The following PIEZO2 variants were observed in gnomAD, a reference collection of about 807,000 sequenced individuals.
PIEZO2 encodes piezo-type mechanosensitive ion channel component 2.
In PIEZO2, 172 loss-of-function variants were observed where a neutral mutation model predicts 337.3. That is an observed-to-expected ratio of 0.51 (90% CI 0.45 to 0.58). The LOEUF (loss-of-function observed/expected upper bound fraction) is 0.58, where lower values mean the gene tolerates loss of function less well. Among genes scored for constraint, PIEZO2 ranks in the 20% least tolerant of loss-of-function variants. The pLI is 0.00. For synonymous variants in PIEZO2, 1,251 were observed against 1,228.5 expected (o/e 1.02, Z -0.38); for missense variants, 3,028 against 3,391.3 (o/e 0.89, Z 2.66).
rs1196322036 is a variant in PIEZO2 at position 10,952,757 on chromosome 18, G to A, written c.286+26778C>T. Among the ~76,000 whole-genome samples, 1 of 152,090 alleles carries A rather than the reference G, an allele frequency of 6.6e-6. No individual in the cohort carries two copies. The highest frequency in any genetic ancestry group is 1.5e-5 in the Non-Finnish European group (1 of 68,020). On this transcript the variant is annotated intron_variant, in intron 3 of 55. Coordinates refer to ENST00000674853, the MANE Select transcript of PIEZO2 (RefSeq NM_001378183.1). The surrounding 1 kb of genome is among the most constrained non-coding windows in gnomAD (Gnocchi z 4.1). Reference sequence around the variant, plus strand: ...TATATGGTCAAATTTATAATATGTTGGAAGATTATTTTTCAAAGTGTCTAT... The same window carrying A: ...TATATGGTCAAATTTATAATATGTTAGAAGATTATTTTTCAAAGTGTCTAT...
At chr18:10,735,548 A>G (rs1187460787) in intron 34 of PIEZO2, among the ~76,000 whole-genome samples, 3 of 152,312 alleles carry the variant, frequency 2.0e-5, no homozygotes, top group South Asian at 4.1e-4. Flanking sequence ...GAAGATGTTC[A>G]TGTTCTCTCC....
In PIEZO2 at chr18:10,759,498, G is replaced by T; in HGVS notation, c.3741C>A (p.Asn1247Lys). The T allele has an allele frequency of 2.6e-6, 4 of 1,536,958 alleles. No individual in the cohort carries two copies. The highest frequency in any genetic ancestry group is 1.7e-4 in the Middle Eastern group (1 of 5,862). ...AACACTTACAGACGAGAAACACAGG[G>T]TTGGGCCGCACAATGAAATCTGGGA... ...LYFPDFIVRP[N>K]PVFLVYDFML... The change falls in exon 26 of 56, where the codon AAC (asparagine) becomes AAA (lysine). Residue 1247 changes from asparagine to lysine, a missense_variant. Physicochemically the swap from Asn to Lys is moderately conservative, Grantham distance 94 (BLOSUM62 0). This residue lies in a region of PIEZO2 where 1,925 missense variants were observed against 2,051.9 expected (regional missense o/e 0.94). Coordinates refer to ENST00000674853, the MANE Select transcript of PIEZO2 (RefSeq NM_001378183.1). The surrounding 1 kb of genome is among the most constrained non-coding windows in gnomAD (Gnocchi z 5.5).
At position 11,005,785 on chromosome 18, in the gene PIEZO2, A is replaced by G. The variant is rs527244852; in HGVS notation, c.161-26125T>C. Among the ~76,000 whole-genome samples, 44 of 152,222 alleles carry G rather than the reference A, an allele frequency of 2.9e-4. No individual in the cohort carries two copies. The East Asian group carries it at 8.3e-3, about 29-fold the overall frequency. On this transcript the variant is annotated intron_variant, in intron 2 of 55. Transcript: ENST00000674853. ...CTGTGTTTATTCTCCTTAACCCTGAACTGTGCTTTCATGCCCTGGAAGCCA... is the reference window on the plus strand; with the variant it reads ...CTGTGTTTATTCTCCTTAACCCTGAGCTGTGCTTTCATGCCCTGGAAGCCA...
At chr18:10,699,353 C>T (rs1167606752) in intron 43 of PIEZO2, among the ~76,000 whole-genome samples, 176 bp from the exon 44 acceptor site, 4 of 152,142 alleles carry the variant, frequency 2.6e-5, no homozygotes, top group Non-Finnish European at 5.9e-5. Flanking sequence ...GGGAGAGACC[C>T]GGTGGGACGT....
chr18:10,871,897 T>C (rs2144791432), intron 4 of PIEZO2, among the ~76,000 whole-genome samples: 1 of 152,324 alleles, frequency 6.6e-6, no homozygotes, highest in Admixed American at 6.5e-5. Flanking sequence ...TCTTCTGTAT[T>C]GTTCCAAGAA....
intron 1 of PIEZO2, among the ~76,000 whole-genome samples, chr18:11,117,361 C>T (rs570075115): frequency 1.3e-5 from 2 of 152,254 alleles, no homozygotes; most frequent in African/African-American, 4.8e-5. Flanking sequence ...ATAACCAGCA[C>T]CAGGGATGTA....
Position 10,784,124 on chromosome 18 carries a change from G to A in PIEZO2, c.2492+660C>T, listed in dbSNP as rs910384945. ...CTAAAAGAATGCTTGTGATCTCCCCGTGATGGAACACAGTGAAGGATTTGT... is the reference window on the plus strand; with the variant it reads ...CTAAAAGAATGCTTGTGATCTCCCCATGATGGAACACAGTGAAGGATTTGT... On this transcript the variant is annotated intron_variant, in intron 17 of 55. Coordinates refer to ENST00000674853, the MANE Select transcript of PIEZO2 (RefSeq NM_001378183.1). This position sits in a 1 kb window ranked among gnomAD's most constrained non-coding sequence, Gnocchi z 4.5. Among the ~76,000 whole-genome samples, 7 of 152,150 alleles carry A rather than the reference G, an allele frequency of 4.6e-5. No homozygotes were observed. The highest frequency in any genetic ancestry group is 1.4e-4 in the African/African-American group (6 of 41,432).
Position 11,148,618 on chromosome 18 carries a change from G to A in PIEZO2, c.-30C>T, listed in dbSNP as rs757574861. The A allele has an allele frequency of 5.9e-6, 9 of 1,536,410 alleles. No individual in the cohort carries two copies. Among genetic ancestry groups the A allele is most frequent in the Non-Finnish European group, 7.8e-6 (9 of 1,146,570 alleles). ...TCGGTCCGGCGAGTCGGAGCAGAGGGGCGAGGCTCGAGGGTCCCTAGGGGT... is the reference window on the plus strand; with the variant it reads ...TCGGTCCGGCGAGTCGGAGCAGAGGAGCGAGGCTCGAGGGTCCCTAGGGGT... On this transcript the variant is annotated 5_prime_UTR_variant, in exon 1 of 56. Transcript: ENST00000674853. This position sits in a 1 kb window ranked among gnomAD's most constrained non-coding sequence, Gnocchi z 5.2.
At chr18:10,810,725 G>A (rs192710645) in intron 7 of PIEZO2, among the ~76,000 whole-genome samples, 1 of 152,222 alleles carries the variant, frequency 6.6e-6, no homozygotes, top group East Asian at 1.9e-4. Context: ...CTTTTCTGGA[G>A]TCCCCAAATC....
chr18:10,911,471 G>A (rs945990426), intron 3 of PIEZO2, among the ~76,000 whole-genome samples: 1 of 149,446 alleles, frequency 6.7e-6, no homozygotes, highest in Non-Finnish European at 1.5e-5. Flanking sequence ...AACCTGCAAT[G>A]TGGCCAGCCG....
intron 12 of PIEZO2, among the ~76,000 whole-genome samples, chr18:10,796,668 G>A (rs931085521): frequency 5.3e-5 from 8 of 152,168 alleles, no homozygotes; most frequent in East Asian, 3.8e-4. Context: ...AAAAATTAAC[G>A]CAGCTGACCG....
intron 28 of PIEZO2, among the ~76,000 whole-genome samples, chr18:10,751,494 A>C (rs997615499): frequency 8.5e-5 from 13 of 152,228 alleles, no homozygotes; most frequent in African/African-American, 3.1e-4. Flanking sequence ...TTTCACCATC[A>C]CCTAGAAAAT....
At chr18:10,960,570 T>C (rs62083582) in intron 3 of PIEZO2, among the ~76,000 whole-genome samples, 1 of 145,542 alleles carries the variant, frequency 6.9e-6, no homozygotes, top group Non-Finnish European at 1.5e-5. Context: ...TTTTTTTTTT[T>C]CCTGAATGGG....
Position 10,968,880 on chromosome 18 carries a change from C to T in PIEZO2, c.286+10655G>A, listed in dbSNP as rs115317521. Among the ~76,000 whole-genome samples the T allele has an allele frequency of 2.5e-3, 379 of 152,244 alleles. 3 individuals carry two copies. The highest frequency in any genetic ancestry group is 8.5e-3 in the African/African-American group (352 of 41,564). ...AAGGCATAAATTATATTAGCAACTG[C>T]TTTGCCAAGCTTCTAGATGCCTAAA... On this transcript the variant is annotated intron_variant, in intron 3 of 55. Coordinates refer to ENST00000674853, the MANE Select transcript of PIEZO2 (RefSeq NM_001378183.1).
chr18:10,742,012 G>T (rs182119538), intron 32 of PIEZO2, among the ~76,000 whole-genome samples: 1 of 151,882 alleles, frequency 6.6e-6, no homozygotes, highest in Non-Finnish European at 1.5e-5. Flanking sequence ...AAAATTAGCC[G>T]GGCGTGGTGG....
chr18:10,809,811 T>G (rs779022001), intron 7 of PIEZO2, among the ~76,000 whole-genome samples: 1 of 152,150 alleles, frequency 6.6e-6, no homozygotes, highest in Non-Finnish European at 1.5e-5. Context: ...CTGTCTACAC[T>G]AAGGCCATGT....
intron 4 of PIEZO2, among the ~76,000 whole-genome samples, chr18:10,887,891 T>A (rs892640369): frequency 6.6e-6 from 1 of 152,054 alleles, no homozygotes. Context: ...GAGGCACAAG[T>A]CCCCAGCTCA....
Position 11,143,702 on chromosome 18 carries a change from A to G in PIEZO2, c.64+4823T>C, listed in dbSNP as rs1288290655. Among the ~76,000 whole-genome samples the G allele has an allele frequency of 6.9e-6, 1 of 145,844 alleles. No homozygotes were observed. Among genetic ancestry groups the G allele is most frequent in the Non-Finnish European group, 1.5e-5 (1 of 66,816 alleles). On this transcript the variant is annotated intron_variant, in intron 1 of 55. Coordinates refer to ENST00000674853, the MANE Select transcript of PIEZO2 (RefSeq NM_001378183.1). This position sits in a 1 kb window ranked among gnomAD's most constrained non-coding sequence, Gnocchi z 4.9. ...TCTCTCTCTCACATAATTTGGCTCT[A>G]GGAAGGCACTAAGTTGCCTTCCCGT...
At chr18:10,931,481 G>A (rs962667142) in intron 3 of PIEZO2, among the ~76,000 whole-genome samples, 5 of 152,164 alleles carry the variant, frequency 3.3e-5, no homozygotes, top group Admixed American at 6.5e-5. Context: ...TTACAGGCGT[G>A]AGCCACCATG....
Sources: allele counts gnomAD v4.1 joint callset (sites outside exome capture counted in the v4.1 genomes callset), GRCh38; gene constraint gnomAD v4.1.1; regional missense constraint gnomAD v4.1.1; non-coding constraint Gnocchi (gnomAD v3.1); transcripts MANE v1.5; gene names NCBI Gene and HGNC (gene_info 2026-07-23, HGNC 2026-07-21).